Variants in RAB28 observed in about 807,000 individuals in gnomAD.
RAB28 encodes the protein RAB28, member RAS oncogene family.
A neutral mutation model predicts 31.7 loss-of-function variants in RAB28; 24 were observed. That is an observed-to-expected ratio of 0.76 (90% CI 0.55 to 1.06). The LOEUF (loss-of-function observed/expected upper bound fraction) is 1.06, where lower values mean the gene tolerates loss of function less well. Among genes scored for constraint, RAB28 ranks in the 50% least tolerant of loss-of-function variants. The pLI is 0.00. For synonymous variants in RAB28, 100 were observed against 90.4 expected (o/e 1.11, Z -0.60); for missense variants, 254 against 258.5 (o/e 0.98, Z 0.12).
At chr4:13,469,422 T>C (rs901314279) in intron 3 of RAB28, among the ~76,000 whole-genome samples, 11 of 151,986 alleles carry the variant, frequency 7.2e-5, no homozygotes, top group African/African-American at 2.4e-4. Context: ...TTCCCAAATC[T>C]TTTACATGAC....
intron 4 of RAB28, among the ~76,000 whole-genome samples, chr4:13,419,366 C>T (rs909063841): frequency 1.6e-4 from 25 of 152,108 alleles, no homozygotes; most frequent in African/African-American, 6.0e-4. Context: ...ACACGGATAT[C>T]CAAAAGTTAA....
intron 1 of RAB28, among the ~76,000 whole-genome samples, chr4:13,482,437 T>A (rs1306713389): frequency 6.6e-6 from 1 of 152,178 alleles, no homozygotes; most frequent in East Asian, 1.9e-4. Context: ...TGTATTGTTA[T>A]GAGTTGTCAT....
At position 13,453,863 on chromosome 4, in the gene RAB28, T is replaced by C. The variant is rs189390540; in HGVS notation, c.391+6836A>G. Among the ~76,000 whole-genome samples the C allele has an allele frequency of 1.2e-3, 190 of 152,250 alleles. 4 individuals are homozygous for C. Among genetic ancestry groups the C allele is most frequent in the Non-Finnish European group, 8.8e-5 (6 of 67,992 alleles). On this transcript the variant is annotated intron_variant, in intron 4 of 6. Transcript: ENST00000330852. ...TGAGCTTCCTCGATGTGAATGTTCATCTGCCTTTCAAAATTAAGAAGTTTT... is the reference window on the plus strand; with the variant it reads ...TGAGCTTCCTCGATGTGAATGTTCACCTGCCTTTCAAAATTAAGAAGTTTT...
intron 4 of RAB28, among the ~76,000 whole-genome samples, chr4:13,390,335 G>A (rs1308179197): frequency 6.6e-6 from 1 of 152,064 alleles, no homozygotes; most frequent in African/African-American, 2.4e-5. Flanking sequence ...AAATGCCTAG[G>A]AATCCAATTT....
At chr4:13,388,474 G>C (rs972758534) in intron 4 of RAB28, among the ~76,000 whole-genome samples, 2 of 151,932 alleles carry the variant, frequency 1.3e-5, no homozygotes, top group Non-Finnish European at 1.5e-5. Flanking sequence ...TGATTTCTTG[G>C]ACATGACACC....
intron 4 of RAB28, among the ~76,000 whole-genome samples, chr4:13,412,135 A>G (rs1210698164): frequency 6.6e-6 from 1 of 152,184 alleles, no homozygotes; most frequent in Non-Finnish European, 1.5e-5. Flanking sequence ...GGTAAACAAA[A>G]AGGGCTGACA....
chr4:13,387,632 C>T (rs543386141), intron 4 of RAB28, among the ~76,000 whole-genome samples: 2 of 152,140 alleles, frequency 1.3e-5, no homozygotes, highest in South Asian at 4.1e-4. Context: ...ATGGCTTGAA[C>T]ATGACATCTT....
chr4:13,412,603 A>T (rs1712505068), intron 4 of RAB28, among the ~76,000 whole-genome samples: 1 of 152,076 alleles, frequency 6.6e-6, no homozygotes, highest in Non-Finnish European at 1.5e-5. Flanking sequence ...TTGCTGCGGG[A>T]AAAAATTTAC....
chr4:13,387,088 T>C (rs142660244), intron 4 of RAB28, among the ~76,000 whole-genome samples: 6 of 152,054 alleles, frequency 3.9e-5, no homozygotes, highest in Non-Finnish European at 7.4e-5. Flanking sequence ...CACTGTGGCC[T>C]ACAAGAGGAT....
chr4:13,424,510 C>T (rs1353567334), intron 4 of RAB28, among the ~76,000 whole-genome samples: 2 of 152,200 alleles, frequency 1.3e-5, no homozygotes, highest in African/African-American at 2.4e-5. Context: ...AACTTGATTA[C>T]ATCTGCAGAG....
chr4:13,460,763 A>G lies in RAB28; in HGVS notation c.327T>C (p.Thr109=). ...QSFENLEDWY[T]VVKKVSEESE... is the part of the protein sequence containing the mutation. ...ACTCCTCGCTCACTTTCTTCACCACAGTATACCAATCTTCTAAATTCTCAA... is the reference window on the plus strand; with the variant it reads ...ACTCCTCGCTCACTTTCTTCACCACGGTATACCAATCTTCTAAATTCTCAA... The change falls in exon 4 of 7, where the codon ACT becomes ACC. Residue 109 remains threonine, a synonymous_variant. Transcript: ENST00000330852. The G allele has an allele frequency of 6.2e-7, 1 of 1,614,004 alleles. No homozygotes were observed. Among genetic ancestry groups the G allele is most frequent in the Admixed American group, 1.7e-5 (1 of 60,006 alleles).
intron 4 of RAB28, among the ~76,000 whole-genome samples, chr4:13,419,715 C>T (rs1055427163): frequency 1.3e-5 from 2 of 152,088 alleles, no homozygotes; most frequent in African/African-American, 2.4e-5. Flanking sequence ...AGAACAAAGA[C>T]ACAATGTACC....
At chr4:13,397,637 T>G (rs1729924733) in intron 4 of RAB28, among the ~76,000 whole-genome samples, 1 of 152,152 alleles carries the variant, frequency 6.6e-6, no homozygotes, top group Non-Finnish European at 1.5e-5. Flanking sequence ...TTGTAATATT[T>G]ATTCTTGGTT....
chr4:13,368,699 A>G, intron 6 of RAB28, 49 bp from the exon 7 acceptor site: 1 of 1,494,434 alleles, frequency 6.7e-7, no homozygotes, highest in East Asian at 2.3e-5. Context: ...GAACATTTAG[A>G]AAGAGCTCCT....
intron 4 of RAB28, among the ~76,000 whole-genome samples, chr4:13,388,033 T>C (rs1729453282): frequency 6.6e-6 from 1 of 151,724 alleles, no homozygotes; most frequent in Non-Finnish European, 1.5e-5. Context: ...CCCATCACTA[T>C]CATTCAGTAT....
chr4:13,418,850 G>A (rs547006340), intron 4 of RAB28, among the ~76,000 whole-genome samples: 96 of 152,102 alleles, frequency 6.3e-4, no homozygotes, highest in South Asian at 1.7e-3. Flanking sequence ...TCAACTAACC[G>A]GCAAAATAAC....
chr4:13,380,019 C>T (rs2108881187), intron 5 of RAB28, among the ~76,000 whole-genome samples: 1 of 152,156 alleles, frequency 6.6e-6, no homozygotes, highest in African/African-American at 2.4e-5. Flanking sequence ...AGCTAAAATA[C>T]TACAAGTTAA....
At chr4:13,481,264 A>G (rs1716591752) in intron 1 of RAB28, among the ~76,000 whole-genome samples, 1 of 152,008 alleles carries the variant, frequency 6.6e-6, no homozygotes, top group South Asian at 2.1e-4. Flanking sequence ...GTAAACTGTC[A>G]AAAATACAGG....
intron 4 of RAB28, chr4:13,459,977 A>G: frequency 8.6e-7 from 1 of 1,158,252 alleles, no homozygotes; most frequent in East Asian, 5.8e-5. Context: ...CTTCACAGGA[A>G]TTGACCAAAG....
Sources: allele counts gnomAD v4.1 joint callset (sites outside exome capture counted in the v4.1 genomes callset), GRCh38; gene constraint gnomAD v4.1.1; transcripts MANE v1.5; gene names NCBI Gene and HGNC (gene_info 2026-07-23, HGNC 2026-07-21).